TMEM50B: variants seen among roughly 807,000 people sequenced by gnomAD.
TMEM50B encodes the protein HCV p7-trans-regulated protein 3.
A neutral mutation model predicts 23.4 loss-of-function variants in TMEM50B; 14 were observed. That is an observed-to-expected ratio of 0.60 (90% confidence interval 0.39 to 0.93). The LOEUF is 0.93. Among genes scored for constraint, TMEM50B ranks in the 40% least tolerant of loss-of-function variants. The pLI is 0.00. For synonymous variants in TMEM50B, 64 were observed against 62.3 expected (o/e 1.03, Z -0.13); for missense variants, 159 against 193.0 (o/e 0.82, Z 1.04).
chr21:33,442,580 C>T (rs2084017332), intron 7 of TMEM50B, among the ~76,000 whole-genome samples: 1 of 152,094 alleles, frequency 6.6e-6, no homozygotes, highest in Non-Finnish European at 1.5e-5. Flanking sequence ...GGGAGGCAGA[C>T]CCTCAGGGTT....
At chr21:33,454,487 G>A (rs1241743639) in intron 6 of TMEM50B, among the ~76,000 whole-genome samples, 1 of 151,998 alleles carries the variant, frequency 6.6e-6, no homozygotes, top group African/African-American at 2.4e-5. Context: ...TTTTATTAGA[G>A]ATGGGGTTTC....
chr21:33,474,312 C>T (rs1291784291), intron 1 of TMEM50B, among the ~76,000 whole-genome samples: 1 of 152,038 alleles, frequency 6.6e-6, no homozygotes, highest in African/African-American at 2.4e-5. Flanking sequence ...GCTGAGATTA[C>T]AGGTGTGCAC....
At chr21:33,459,204 A>G (rs1468472094) in intron 5 of TMEM50B, among the ~76,000 whole-genome samples, 1 of 152,174 alleles carries the variant, frequency 6.6e-6, no homozygotes, top group Non-Finnish European at 1.5e-5. Context: ...ACTGGGTTCT[A>G]TTTTTCATCA....
intron 4 of TMEM50B, chr21:33,465,132 T>C (rs879911742): frequency 3.0e-5 from 14 of 459,316 alleles, no homozygotes; most frequent in Non-Finnish European, 4.6e-5. Context: ...ATCTATATCA[T>C]GGGCAGTGTA....
chr21:33,440,420 T>A (rs1002068724), intron 7 of TMEM50B, among the ~76,000 whole-genome samples: 1 of 144,822 alleles, frequency 6.9e-6, no homozygotes, highest in African/African-American at 2.6e-5. Context: ...AAACACCGTC[T>A]CTACTAAAAA....
At chr21:33,454,189 A>G (rs757600104) in intron 6 of TMEM50B, among the ~76,000 whole-genome samples, 1 of 152,156 alleles carries the variant, frequency 6.6e-6, no homozygotes, top group Non-Finnish European at 1.5e-5. Context: ...CCCCTAAAAA[A>G]TACTTTTAAT....
At chr21:33,433,983 T>TTACC (rs778326744) in intron 8 of TMEM50B, among the ~76,000 whole-genome samples, 5 of 152,146 alleles carry the variant, frequency 3.3e-5, no homozygotes, top group Non-Finnish European at 7.4e-5. Context: ...CACAGGGTGC[T>TTACC]TAGGAGGGCC....
At chr21:33,448,193 G>C (rs568402576), downstream of TMEM50B, among the ~76,000 whole-genome samples, 12 of 151,940 alleles carry the variant, frequency 7.9e-5, no homozygotes, top group South Asian at 2.1e-3. Context: ...CCGGGTTTCA[G>C]TATGTTGGCC....
intron 5 of TMEM50B, among the ~76,000 whole-genome samples, chr21:33,456,357 C>G (rs2084168467): frequency 6.6e-6 from 1 of 152,132 alleles, no homozygotes. Flanking sequence ...CACCACAATG[C>G]CTGGCTCTCA....
At chr21:33,434,383 G>A (rs546046433) in intron 8 of TMEM50B, among the ~76,000 whole-genome samples, 16 of 152,208 alleles carry the variant, frequency 1.1e-4, no homozygotes, top group South Asian at 2.1e-4. Context: ...TTAGCCGGGC[G>A]TGGTGGTGGG....
At chr21:33,437,929 G>A (rs2083972997) in intron 8 of TMEM50B, among the ~76,000 whole-genome samples, 1 of 150,726 alleles carries the variant, frequency 6.6e-6, no homozygotes, top group South Asian at 2.1e-4. Context: ...GTTACCATGA[G>A]CCGAAATGAT....
At chr21:33,471,863 G>C (rs554054664) in intron 1 of TMEM50B, among the ~76,000 whole-genome samples, 7 of 151,110 alleles carry the variant, frequency 4.6e-5, no homozygotes, top group African/African-American at 1.7e-4. Context: ...GTGAAACCCC[G>C]TCTCTACTAA....
At chr21:33,461,734 G>A (rs1457481523) in intron 4 of TMEM50B, among the ~76,000 whole-genome samples, 1 of 151,928 alleles carries the variant, frequency 6.6e-6, no homozygotes, top group African/African-American at 2.4e-5. Flanking sequence ...GAACCTGAGA[G>A]GCAGAGGTTG....
chr21:33,449,031 T>C (rs2084092897), downstream of TMEM50B: 1 of 152,232 alleles, frequency 6.6e-6, no homozygotes, highest in Non-Finnish European at 1.5e-5. Context: ...TATTTCTTCT[T>C]ATTTTATAAA....
At position 33,468,925 on chromosome 21, in the gene TMEM50B, T is replaced by C. The variant is rs948193233; in HGVS notation, c.-40A>G. The stretch of plus-strand genomic sequence containing the variant: ...CATAAATTTTTCATTAAATGCTGTA[T>C]CCTACAAACAGAAAGACAAAAACTA... On this transcript the variant is annotated splice_region_variant and 5_prime_UTR_variant, in exon 2 of 7. Transcript: ENST00000542230. 6.7e-7 allele frequency: 1 copy of C among 1,484,702 alleles called. No homozygotes were observed. The highest frequency in any genetic ancestry group is 9.3e-7 in the Non-Finnish European group (1 of 1,072,218). The allele number at this position is 1,484,702 out of a possible 1,614,324, so 92.0% of individuals were successfully genotyped here. A position where few individuals can be genotyped will look rare whatever the true frequency, so the allele number is the denominator to read the frequency against.
At chr21:33,452,634 A>AT (rs1490746048) in intron 6 of TMEM50B, among the ~76,000 whole-genome samples, 1 of 152,196 alleles carries the variant, frequency 6.6e-6, no homozygotes, top group Non-Finnish European at 1.5e-5. Flanking sequence ...GGTCCTGCCT[A>AT]TAACAAAGCT....
At chr21:33,440,680 G>C (rs2084000298) in intron 7 of TMEM50B, among the ~76,000 whole-genome samples, 1 of 150,772 alleles carries the variant, frequency 6.6e-6, no homozygotes, top group Non-Finnish European at 1.5e-5. Context: ...TCAGGAGTTT[G>C]AGACCAGCCT....
intron 5 of TMEM50B, among the ~76,000 whole-genome samples, chr21:33,457,596 A>G (rs1266744104): frequency 1.3e-5 from 2 of 150,796 alleles, no homozygotes; most frequent in African/African-American, 4.9e-5. Flanking sequence ...GGTTGCAGTG[A>G]GCCGAGACTG....
chr21:33,455,232 C>T (rs1271023187), intron 6 of TMEM50B, among the ~76,000 whole-genome samples: 3 of 151,928 alleles, frequency 2.0e-5, no homozygotes, highest in Admixed American at 6.6e-5. Flanking sequence ...ACTCTATTGC[C>T]CAGGCTGGAG....
Sources: allele counts gnomAD v4.1 joint callset (sites outside exome capture counted in the v4.1 genomes callset), GRCh38; gene constraint gnomAD v4.1.1; transcripts MANE v1.5; gene names NCBI Gene and HGNC (gene_info 2026-07-23, HGNC 2026-07-21).